The following ZNF410 variants were observed in gnomAD, a reference collection of about 807,000 sequenced individuals.
ZNF410 encodes zinc finger protein 410, also known as another partner for ARF 1.
In ZNF410, 18 loss-of-function variants were observed where a neutral mutation model predicts 54.8. The observed-to-expected ratio is 0.33, with a 90% CI of 0.23 to 0.49. ZNF410 has a LOEUF of 0.49. ZNF410 is among the 20% of genes least tolerant of loss of function. The pLI is 0.99. For synonymous variants in ZNF410, 191 were observed against 207.3 expected (o/e 0.92, Z 0.68); for missense variants, 405 against 569.6 (o/e 0.71, Z 2.94).
chr14:73,896,251 G>A (rs2055315464), intron 3 of ZNF410, 65 bp from the exon 4 acceptor site: 1 of 1,189,586 alleles, frequency 8.4e-7, no homozygotes, highest in Middle Eastern at 2.4e-4. Context: ...TGGGTGCTGT[G>A]TATCAAAATG....
In ZNF410 at chr14:73,896,443, G is replaced by A; in HGVS notation, c.297G>A (p.Glu99=). 3 of 1,614,236 alleles carry A rather than the reference G, an allele frequency of 1.9e-6. No homozygotes were observed. The highest frequency in any genetic ancestry group is 2.5e-6 in the Non-Finnish European group (3 of 1,180,038). Reference sequence around the variant, plus strand: ...CTCAGACTGTACAGAAATCCCCGGAGTTTTTGTCCACTTCAGAGTCTTCTA... The same window carrying A: ...CTCAGACTGTACAGAAATCCCCGGAATTTTTGTCCACTTCAGAGTCTTCTA... ...TRAQTVQKSP[E]FLSTSESSSL... is the part of the protein sequence containing the mutation. The change falls in exon 4 of 12, where the codon GAG becomes GAA. Residue 99 remains glutamate, a synonymous_variant. Transcript: ENST00000555044.
At chr14:73,901,654 G>C (rs770013965) in intron 5 of ZNF410, among the ~76,000 whole-genome samples, 5 of 151,488 alleles carry the variant, frequency 3.3e-5, no homozygotes, top group Non-Finnish European at 7.4e-5. Flanking sequence ...TTTTTTGGCC[G>C]GTGCAGTGGC....
chr14:73,909,895 A>G (rs981333165), intron 8 of ZNF410, among the ~76,000 whole-genome samples: 2 of 152,230 alleles, frequency 1.3e-5, no homozygotes, highest in African/African-American at 4.8e-5. Flanking sequence ...GCCTTTGGCA[A>G]ACAGAACCAC....
At position 73,906,939 on chromosome 14, in the gene ZNF410, G is replaced by C. The variant is rs559219776; in HGVS notation, c.913+1856G>C. On this transcript the variant is annotated intron_variant, in intron 7 of 11. Coordinates refer to ENST00000555044, the MANE Select transcript of ZNF410 (RefSeq NM_021188.3). ...AGTGTACTCTCTTGTCATAATCTCA[G>C]GCCTCTATTTAATTATTTCTCCCTA... 2.0e-4 allele frequency among the ~76,000 whole-genome samples: 31 copies of C among 151,736 alleles called. No homozygotes were observed. In the East Asian group the frequency reaches 5.6e-3, roughly 27 times the overall value.
chr14:73,905,195 T>A, intron 7 of ZNF410, 112 bp downstream of exon 7: 1 of 1,140,150 alleles, frequency 8.8e-7, no homozygotes, highest in Non-Finnish European at 1.2e-6. Flanking sequence ...GGGTTGTTGC[T>A]AGAACTCTGA....
At chr14:73,894,269 C>T (rs1595385759) in intron 3 of ZNF410, 3 of 692,092 alleles carry the variant, frequency 4.3e-6, no homozygotes, top group Admixed American at 4.2e-5. Flanking sequence ...AGAGTGGAGG[C>T]ATGAAACCCA....
intron 7 of ZNF410, among the ~76,000 whole-genome samples, chr14:73,908,250 C>T (rs1350772546): frequency 6.6e-6 from 1 of 152,158 alleles, no homozygotes; most frequent in East Asian, 1.9e-4. Context: ...GGTATGTCCC[C>T]TAACCAGCTT....
At chr14:73,888,216 T>TA (rs1398249435) in intron 1 of ZNF410, 1 of 152,112 alleles carries the variant, frequency 6.6e-6, no homozygotes, top group Admixed American at 6.6e-5. Context: ...AAATAGGTAA[T>TA]ACAAGAAGAA....
chr14:73,903,291 T>C lies in ZNF410; in HGVS notation c.581-669T>C, dbSNP rs533344590. Among the ~76,000 whole-genome samples the C allele has an allele frequency of 1.2e-4, 19 of 152,316 alleles. 1 individual carries two copies. The highest frequency in any genetic ancestry group is 3.4e-3 in the Middle Eastern group (1 of 294). On this transcript the variant is annotated intron_variant, in intron 5 of 11. Coordinates refer to ENST00000555044, the MANE Select transcript of ZNF410 (RefSeq NM_021188.3). ...ATCTTTGTAGCACCCTACTCAGGGA[T>C]AGTGTTGCTATCCCTGCTTCTCCAC... is the stretch of plus-strand genomic sequence containing the variant.
chr14:73,929,579 C>T (rs1233045211), intron 11 of ZNF410, among the ~76,000 whole-genome samples: 3 of 151,918 alleles, frequency 2.0e-5, no homozygotes, highest in Non-Finnish European at 4.4e-5. Flanking sequence ...AGGCTGGGTG[C>T]GGTGGCTAGC....
At chr14:73,918,509 C>A (rs184377898) in intron 8 of ZNF410, among the ~76,000 whole-genome samples, 1 of 151,590 alleles carries the variant, frequency 6.6e-6, no homozygotes, top group African/African-American at 2.4e-5. Flanking sequence ...CTCTACTGTC[C>A]GACTCCACAA....
Position 73,904,082 on chromosome 14 carries a change from C to A in ZNF410, c.703C>A (p.His235Asn), listed in dbSNP as rs748195114. 71 of 1,613,994 alleles carry A rather than the reference C, an allele frequency of 4.4e-5. No homozygotes were observed. Among genetic ancestry groups the A allele is most frequent in the Non-Finnish European group, 5.8e-5 (69 of 1,180,028 alleles). The change falls in exon 6 of 12, where the codon CAC becomes AAC. Residue 235 changes from histidine (H) to asparagine (N), a missense_variant. By Grantham distance (68) the His-to-Asn change is moderately conservative. Coordinates refer to ENST00000555044, the MANE Select transcript of ZNF410 (RefSeq NM_021188.3). ...TGACCGGACATTTGTATGGCCAGCT[C>A]ACTTTAAATACCACCTCAAGACTCA... Reference protein sequence around the residue: ...GCDRTFVWPAHFKYHLKTHRN... With the variant: ...GCDRTFVWPANFKYHLKTHRN...
intron 3 of ZNF410, chr14:73,894,536 C>G (rs1414104928): frequency 7.8e-6 from 5 of 644,146 alleles, no homozygotes; most frequent in Middle Eastern, 4.1e-4. Flanking sequence ...AAGCTATTCT[C>G]CTGCCTCAGC....
At chr14:73,927,233 G>T in intron 11 of ZNF410, 1 of 226,614 alleles carries the variant, frequency 4.4e-6, no homozygotes, top group Non-Finnish European at 9.5e-6. Flanking sequence ...CCACAGGCAG[G>T]TGCCACCACG....
chr14:73,909,903 C>T (rs2055551183), intron 8 of ZNF410, among the ~76,000 whole-genome samples: 1 of 152,152 alleles, frequency 6.6e-6, no homozygotes, highest in South Asian at 2.1e-4. Context: ...CAAACAGAAC[C>T]ACAAACCTTA....
At chr14:73,903,474 G>A (rs1399865684) in intron 5 of ZNF410, among the ~76,000 whole-genome samples, 1 of 151,960 alleles carries the variant, frequency 6.6e-6, no homozygotes, top group Non-Finnish European at 1.5e-5. Context: ...TAGAACACTT[G>A]CATTTCTATT....
rs749897837 is a variant in ZNF410, at chr14:73,894,358, G to A, written c.169+426G>A. 61 of 701,768 alleles carry A rather than the reference G, an allele frequency of 8.7e-5. No homozygotes were observed. The African/African-American group carries it at 1.0e-3, about 11-fold the overall frequency. The allele number at this position is 701,768 out of a possible 1,614,324, so 43.5% of individuals were successfully genotyped here. A position where few individuals can be genotyped will look rare whatever the true frequency, so the allele number is the denominator to read the frequency against. Reference sequence around the variant, plus strand: ...AAGGACTCCATTATTGACTTTGGCAGAACCTGTTCCATGGAGAGAAGAGGA... The same window carrying A: ...AAGGACTCCATTATTGACTTTGGCAAAACCTGTTCCATGGAGAGAAGAGGA... On this transcript the variant is annotated intron_variant, in intron 3 of 11. Transcript: ENST00000555044.
In ZNF410 at chr14:73,896,361, C is replaced by T; in HGVS notation, c.215C>T (p.Ser72Leu). The T allele has an allele frequency of 6.2e-7, 1 of 1,614,132 alleles. No homozygotes were observed. The highest frequency in any genetic ancestry group is 1.1e-5 in the South Asian group (1 of 91,082). ...HSNSSKEVPS[S>L]AVLRSLRVNV... ...AACTCCTCCAAGGAGGTCCCTTCCT[C>T]AGCTGTTTTGAGAAGCCTTCGGGTG... is the stretch of plus-strand genomic sequence containing the variant. The change falls in exon 4 of 12, where the codon TCA (serine) becomes TTA (leucine). Residue 72 changes from serine to leucine, a missense_variant. Coordinates refer to ENST00000555044, the MANE Select transcript of ZNF410 (RefSeq NM_021188.3).
intron 8 of ZNF410, among the ~76,000 whole-genome samples, chr14:73,909,910 C>T (rs1420826576): frequency 1.3e-5 from 2 of 152,174 alleles, no homozygotes; most frequent in Admixed American, 1.3e-4. Context: ...AACCACAAAC[C>T]TTATCATTGC....
Sources: allele counts gnomAD v4.1 joint callset (sites outside exome capture counted in the v4.1 genomes callset), GRCh38; gene constraint gnomAD v4.1.1; transcripts MANE v1.5; gene names NCBI Gene and HGNC (gene_info 2026-07-23, HGNC 2026-07-21).